DLGAP4: variants seen among roughly 807,000 people sequenced by gnomAD.
DLGAP4 encodes the protein disks large-associated protein 4.
Under a neutral mutation model 86.9 loss-of-function variants are expected in DLGAP4, and 18 were observed. That is an observed-to-expected ratio of 0.21 (90% confidence interval 0.14 to 0.31). DLGAP4 has a LOEUF of 0.31. DLGAP4 is among the 10% of genes least tolerant of loss of function. The pLI, the probability that DLGAP4 is intolerant of heterozygous loss-of-function variation, is 1.00. For synonymous variants in DLGAP4, 548 were observed against 574.3 expected, an observed-to-expected ratio of 0.95 and a Z score of 0.65; for missense variants, 1,085 against 1,362.6, an observed-to-expected ratio of 0.80 and a Z score of 3.21.
At chr20:36,480,052 G>T (rs749063876) in intron 7 of DLGAP4, among the ~76,000 whole-genome samples, 26 of 152,132 alleles carry the variant, frequency 1.7e-4, no homozygotes, top group Non-Finnish European at 3.7e-4. Context: ...TAGGGCAATA[G>T]ACAGGGCAAG....
At chr20:36,379,794 G>A (rs2031306116) in intron 2 of DLGAP4, among the ~76,000 whole-genome samples, 1 of 152,208 alleles carries the variant, frequency 6.6e-6, no homozygotes, top group African/African-American at 2.4e-5. Context: ...AGCCTCACCT[G>A]TTCTAATAAT....
At chr20:36,466,482 T>C (rs1036725414) in intron 7 of DLGAP4, among the ~76,000 whole-genome samples, 1 of 152,140 alleles carries the variant, frequency 6.6e-6, no homozygotes, top group Non-Finnish European at 1.5e-5. Context: ...ATTGAACACC[T>C]GAGCAGGAAT....
intron 1 of DLGAP4, among the ~76,000 whole-genome samples, chr20:36,361,104 G>C (rs2030504179): frequency 6.6e-6 from 1 of 151,978 alleles, no homozygotes; most frequent in South Asian, 2.1e-4. Context: ...GCAAAGGAGG[G>C]GGAAGAATTA....
At chr20:36,469,262 T>A (rs1275563507) in intron 7 of DLGAP4, among the ~76,000 whole-genome samples, 1 of 151,218 alleles carries the variant, frequency 6.6e-6, no homozygotes, top group Non-Finnish European at 1.5e-5. Context: ...TCCCAGAGTC[T>A]GCAGCAGCAG....
At chr20:36,411,485 G>A (rs745367153) in intron 2 of DLGAP4, among the ~76,000 whole-genome samples, 3 of 152,038 alleles carry the variant, frequency 2.0e-5, no homozygotes, top group Admixed American at 6.6e-5. Flanking sequence ...TCTTTTACCC[G>A]GTCTCCTCAT....
intron 2 of DLGAP4, among the ~76,000 whole-genome samples, chr20:36,429,767 A>T (rs1441359897): frequency 6.6e-6 from 1 of 152,148 alleles, no homozygotes; most frequent in East Asian, 1.9e-4. Context: ...AATTCATGAT[A>T]GTCTCCCCAT....
At chr20:36,425,822 A>AAAAAC (rs552550484) in intron 2 of DLGAP4, among the ~76,000 whole-genome samples, 2 of 152,172 alleles carry the variant, frequency 1.3e-5, no homozygotes, top group African/African-American at 2.4e-5. Flanking sequence ...ACTCCATCTC[A>AAAAAC]AAAACAAAAC....
At chr20:36,467,057 TCTCTCTC>T (rs1367728310) in intron 7 of DLGAP4, among the ~76,000 whole-genome samples, 29 of 87,432 alleles carry the variant, frequency 3.3e-4, no homozygotes, top group Non-Finnish European at 5.6e-4. Context: ...TCTCTCTCTC[TCTCTCTC>T]CCCCCCCCTT....
At chr20:36,420,846 G>A (rs542963608) in intron 2 of DLGAP4, among the ~76,000 whole-genome samples, 1 of 152,264 alleles carries the variant, frequency 6.6e-6, no homozygotes, top group South Asian at 2.1e-4. Flanking sequence ...GGTGGCGCAT[G>A]CCTGTAATCC....
chr20:36,417,187 G>T (rs867713628), intron 2 of DLGAP4, among the ~76,000 whole-genome samples: 1 of 152,226 alleles, frequency 6.6e-6, no homozygotes, highest in East Asian at 1.9e-4. Context: ...CTCTGAGGAG[G>T]TGACGTTTAA....
At chr20:36,434,091 G>A (rs551443287) in intron 3 of DLGAP4, among the ~76,000 whole-genome samples, 1 of 151,514 alleles carries the variant, frequency 6.6e-6, no homozygotes, top group Admixed American at 6.6e-5. Flanking sequence ...TTATAGGTGC[G>A]AGCCACCAAG....
chr20:36,365,193 CT>C (rs1298532861), intron 1 of DLGAP4, among the ~76,000 whole-genome samples: 5 of 152,366 alleles, frequency 3.3e-5, no homozygotes, highest in African/African-American at 1.2e-4. Context: ...CCTCGGGCCC[CT>C]AGGCCAGGGC....
chr20:36,325,203 C>T lies in DLGAP4; in HGVS notation c.-304+18691C>T, dbSNP rs1307213738. On this transcript the variant is annotated intron_variant, in intron 1 of 12. Transcript: ENST00000339266. ...GTACTTTCTAGTTTCCCTTTTGCTT[C>T]CCTCTTTGACCCATGGGTTTTTTAG... Among the ~76,000 whole-genome samples the T allele has an allele frequency of 2.0e-5, 3 of 152,184 alleles. No individual in the cohort carries two copies. In the South Asian group the frequency reaches 6.2e-4, roughly 32 times the overall value.
chr20:36,475,240 C>T (rs1381303671), intron 7 of DLGAP4, among the ~76,000 whole-genome samples: 5 of 151,976 alleles, frequency 3.3e-5, no homozygotes, highest in Non-Finnish European at 5.9e-5. Context: ...GAGATGGAGT[C>T]CCGCTCTGTC....
chr20:36,330,675 C>T (rs1555891442), intron 1 of DLGAP4, among the ~76,000 whole-genome samples: 1 of 151,320 alleles, frequency 6.6e-6, no homozygotes, highest in African/African-American at 2.4e-5. Context: ...CGGATTCAAG[C>T]AATTCTCCTG....
At chr20:36,412,877 T>G (rs2032539272) in intron 2 of DLGAP4, among the ~76,000 whole-genome samples, 1 of 152,048 alleles carries the variant, frequency 6.6e-6, no homozygotes, top group South Asian at 2.1e-4. Context: ...AGAATACATA[T>G]AAAATTGGCC....
chr20:36,412,552 C>A (rs545307232), intron 2 of DLGAP4, among the ~76,000 whole-genome samples: 2 of 152,302 alleles, frequency 1.3e-5, no homozygotes, highest in South Asian at 4.1e-4. Flanking sequence ...ACCTGTGTGA[C>A]CTTGTACAAA....
chr20:36,315,057 C>CTGTGTGGTGTGTG (rs1237863329), intron 1 of DLGAP4, among the ~76,000 whole-genome samples: 3 of 139,854 alleles, frequency 2.1e-5, no homozygotes, highest in Non-Finnish European at 4.6e-5. Flanking sequence ...TGCGCCCCCC[C>CTGTGTGGTGTGTG]GTGTGTGGTG....
At chr20:36,409,339 G>A (rs2032418089) in intron 2 of DLGAP4, among the ~76,000 whole-genome samples, 1 of 150,274 alleles carries the variant, frequency 6.7e-6, no homozygotes, top group South Asian at 2.1e-4. Context: ...CAACCTAAAA[G>A]ACTTATTTTT....
Sources: allele counts gnomAD v4.1 joint callset (sites outside exome capture counted in the v4.1 genomes callset), GRCh38; gene constraint gnomAD v4.1.1; transcripts MANE v1.5; gene names NCBI Gene and HGNC (gene_info 2026-07-23, HGNC 2026-07-21).